The following SCHIP1 variants were observed in gnomAD, a reference collection of about 807,000 sequenced individuals.
SCHIP1 encodes the protein schwannomin-interacting protein 1.
A neutral mutation model predicts 29.7 loss-of-function variants in SCHIP1; 8 were observed. That is an observed-to-expected ratio of 0.27 (90% CI 0.16 to 0.49). SCHIP1 has a LOEUF of 0.49. SCHIP1 is among the 20% of genes least tolerant of loss of function. The pLI is 0.99. For synonymous variants in SCHIP1, 76 were observed against 94.9 expected, an observed-to-expected ratio of 0.80 and a Z score of 1.16; for missense variants, 193 against 294.6, an observed-to-expected ratio of 0.66 and a Z score of 2.52.
At chr3:159,309,849 A>G in the SCHIP1 span, among the ~76,000 whole-genome samples, 1 of 152,208 alleles carries the variant, frequency 6.6e-6, no homozygotes, top group Non-Finnish European at 1.5e-5. Flanking sequence ...CTAAGAGGAA[A>G]ATCATTGAGT....
At chr3:159,542,790 A>G in the SCHIP1 span, among the ~76,000 whole-genome samples, 1 of 152,072 alleles carries the variant, frequency 6.6e-6, no homozygotes, top group African/African-American at 2.4e-5. Flanking sequence ...TAATTGAGGG[A>G]ATGGAGCTAT....
the SCHIP1 span, among the ~76,000 whole-genome samples, chr3:159,426,098 C>T: frequency 6.6e-6 from 1 of 151,724 alleles, no homozygotes; most frequent in Non-Finnish European, 1.5e-5. Context: ...CAGGAAAGAT[C>T]CAAAATTGAC....
At chr3:159,766,717 T>C in the SCHIP1 span, among the ~76,000 whole-genome samples, 1 of 152,198 alleles carries the variant, frequency 6.6e-6, no homozygotes. Context: ...CACCCATGTA[T>C]GTGCTGTGTG....
chr3:159,710,836 A>G, the SCHIP1 span, among the ~76,000 whole-genome samples: 1 of 152,216 alleles, frequency 6.6e-6, no homozygotes, highest in African/African-American at 2.4e-5. Context: ...CATGAGACCC[A>G]GTCAGGAGTA....
chr3:159,663,071 G>A, the SCHIP1 span, among the ~76,000 whole-genome samples: 1 of 152,186 alleles, frequency 6.6e-6, no homozygotes, highest in African/African-American at 2.4e-5. Flanking sequence ...AGATCTCTTG[G>A]AAGGTTGGAA....
At chr3:159,798,146 G>A in the SCHIP1 span, among the ~76,000 whole-genome samples, 3 of 152,158 alleles carry the variant, frequency 2.0e-5, no homozygotes, top group Non-Finnish European at 4.4e-5. Flanking sequence ...CAAACCAATG[G>A]CCTCCTATAA....
the SCHIP1 span, among the ~76,000 whole-genome samples, chr3:159,827,268 C>T: frequency 1.4e-4 from 22 of 152,170 alleles, no homozygotes; most frequent in Non-Finnish European, 2.8e-4. Flanking sequence ...AGAGAACAGA[C>T]CTAAGGAAAC....
chr3:159,717,107 T>G, the SCHIP1 span, among the ~76,000 whole-genome samples: 1 of 152,094 alleles, frequency 6.6e-6, no homozygotes. Context: ...TCATGGAAAC[T>G]GAACAACCTG....
At chr3:159,479,538 G>T in the SCHIP1 span, among the ~76,000 whole-genome samples, 1 of 152,076 alleles carries the variant, frequency 6.6e-6, no homozygotes. Context: ...TAGACAAGTT[G>T]ATTTAGCTTC....
At chr3:159,350,029 C>T in the SCHIP1 span, among the ~76,000 whole-genome samples, 2 of 152,116 alleles carry the variant, frequency 1.3e-5, no homozygotes, top group Non-Finnish European at 2.9e-5. Flanking sequence ...GTGCTTAGCT[C>T]TCAAGGTGTA....
At chr3:159,405,210 T>C in the SCHIP1 span, among the ~76,000 whole-genome samples, 1 of 152,176 alleles carries the variant, frequency 6.6e-6, no homozygotes, top group East Asian at 1.9e-4. Context: ...CTACAGTAAA[T>C]GCCTAACTCT....
the SCHIP1 span, among the ~76,000 whole-genome samples, chr3:159,728,141 C>T: frequency 7.0e-3 from 1,060 of 151,988 alleles, 8 homozygotes; most frequent in Non-Finnish European, 0.012. Context: ...CTTACTAGTA[C>T]CTTAAGGACA....
chr3:159,536,811 G>A, the SCHIP1 span, among the ~76,000 whole-genome samples: 1 of 152,142 alleles, frequency 6.6e-6, no homozygotes, highest in South Asian at 2.1e-4. Context: ...TAAATACACA[G>A]CTAAGTAAAT....
At chr3:159,673,233 A>G in the SCHIP1 span, among the ~76,000 whole-genome samples, 3 of 152,174 alleles carry the variant, frequency 2.0e-5, no homozygotes, top group Non-Finnish European at 4.4e-5. Flanking sequence ...TAATACCTTC[A>G]CAGAAAAAAC....
At chr3:159,719,019 T>A in the SCHIP1 span, among the ~76,000 whole-genome samples, 11 of 152,202 alleles carry the variant, frequency 7.2e-5, no homozygotes, top group African/African-American at 2.4e-4. Flanking sequence ...AGCATGGTAC[T>A]GGTACCAAAA....
the SCHIP1 span, among the ~76,000 whole-genome samples, chr3:159,542,387 T>C: frequency 6.6e-6 from 1 of 152,178 alleles, no homozygotes; most frequent in East Asian, 1.9e-4. Flanking sequence ...CAATCCCCAG[T>C]AATGACTGAT....
At chr3:159,715,735 G>A in the SCHIP1 span, among the ~76,000 whole-genome samples, 4 of 152,182 alleles carry the variant, frequency 2.6e-5, no homozygotes, top group African/African-American at 9.7e-5. Context: ...AAGCCTCCAA[G>A]AAATATGGGA....
At chr3:159,815,207 A>G in the SCHIP1 span, among the ~76,000 whole-genome samples, 2 of 152,190 alleles carry the variant, frequency 1.3e-5, no homozygotes, top group Non-Finnish European at 2.9e-5. Flanking sequence ...CCCTAACCTT[A>G]AACCAAGTTA....
the SCHIP1 span, among the ~76,000 whole-genome samples, chr3:159,656,300 A>C: frequency 3.3e-5 from 5 of 152,170 alleles, no homozygotes; most frequent in Non-Finnish European, 7.4e-5. Flanking sequence ...ATCCAAGTTC[A>C]ATAAAGGTTG....
Sources: allele counts gnomAD v4.1 joint callset (sites outside exome capture counted in the v4.1 genomes callset), GRCh38; gene constraint gnomAD v4.1.1; transcripts MANE v1.5; gene names NCBI Gene and HGNC (gene_info 2026-07-23, HGNC 2026-07-21).